The following C12orf42 variants were observed in gnomAD, a reference collection of about 807,000 sequenced individuals.
C12orf42 encodes chromosome 12 open reading frame 42.
A neutral mutation model predicts 21.6 loss-of-function variants in C12orf42; 25 were observed. The observed-to-expected ratio is 1.16, with a 90% CI of 0.84 to 1.62. C12orf42 has a LOEUF of 1.62. Ranked by LOEUF, C12orf42 falls within the 40% of genes most tolerant of loss-of-function variation. The probability of loss-of-function intolerance (pLI) is 0.00; values close to 1 mark genes in which losing one functional copy is unlikely to be tolerated. For missense variants in C12orf42, 483 were observed against 459.3 expected, an observed-to-expected ratio of 1.05 and a Z score of -0.47; for synonymous variants, 174 against 175.0, an observed-to-expected ratio of 0.99 and a Z score of 0.05.
the C12orf42 span, among the ~76,000 whole-genome samples, chr12:103,510,621 G>A: frequency 3.9e-5 from 6 of 152,164 alleles, no homozygotes; most frequent in Admixed American, 3.3e-4. Context: ...CTGCCACGGA[G>A]ATATAAGTTC....
chr12:103,118,569 C>T, the C12orf42 span, among the ~76,000 whole-genome samples: 2,116 of 152,010 alleles, frequency 0.014, 53 homozygotes, highest in African/African-American at 0.047. Context: ...GAGGCCAAGG[C>T]GGGCGGATCA....
chr12:103,174,857 T>G, the C12orf42 span, among the ~76,000 whole-genome samples: 1 of 152,196 alleles, frequency 6.6e-6, no homozygotes, highest in Non-Finnish European at 1.5e-5. Context: ...CCCAGAACTT[T>G]GAATTTTACT....
At chr12:103,361,253 C>T (rs898541958) in intron 4 of C12orf42, among the ~76,000 whole-genome samples, 3 of 152,150 alleles carry the variant, frequency 2.0e-5, no homozygotes, top group Non-Finnish European at 4.4e-5. Context: ...CGAACACACA[C>T]CCTCACTGAG....
intron 1 of C12orf42, among the ~76,000 whole-genome samples, chr12:103,489,549 G>A: frequency 6.6e-6 from 1 of 152,212 alleles, no homozygotes; most frequent in Non-Finnish European, 1.5e-5. Context: ...GCTATGCCCT[G>A]CCCAAAGAAG....
the C12orf42 span, chr12:103,080,935 G>A: frequency 2.0e-5 from 3 of 152,192 alleles, no homozygotes; most frequent in East Asian, 5.8e-4. Flanking sequence ...GTAATTGGTA[G>A]GGCTGGGATT....
At chr12:103,519,979 G>A in the C12orf42 span, among the ~76,000 whole-genome samples, 3 of 152,196 alleles carry the variant, frequency 2.0e-5, no homozygotes, top group African/African-American at 7.2e-5. Context: ...AACGAGATGG[G>A]CACCACAGGG....
At chr12:103,454,442 ATC>A (rs1952153941) in intron 2 of C12orf42, among the ~76,000 whole-genome samples, 1 of 152,130 alleles carries the variant, frequency 6.6e-6, no homozygotes, top group South Asian at 2.1e-4. Context: ...TATGTAATAC[ATC>A]TTGGAAAGCA....
intron 4 of C12orf42, among the ~76,000 whole-genome samples, chr12:103,308,192 T>G (rs779751655): frequency 6.6e-6 from 1 of 152,212 alleles, no homozygotes; most frequent in Non-Finnish European, 1.5e-5. Flanking sequence ...AGGGTAGTAG[T>G]TGGCATTTAG....
intron 2 of C12orf42, among the ~76,000 whole-genome samples, chr12:103,471,742 C>T (rs753753099): frequency 8.5e-5 from 13 of 152,164 alleles, no homozygotes; most frequent in Non-Finnish European, 1.5e-4. Context: ...CCAATAAATA[C>T]CCACATATAT....
chr12:103,264,420 G>A (rs1287744924), downstream of C12orf42, among the ~76,000 whole-genome samples: 4 of 152,096 alleles, frequency 2.6e-5, no homozygotes, highest in African/African-American at 4.8e-5. Flanking sequence ...GAAAAGAAAC[G>A]AGCCGTCAAC....
intron 4 of C12orf42, chr12:103,368,011 C>A (rs1270061371): frequency 5.8e-6 from 7 of 1,210,890 alleles, no homozygotes; most frequent in Non-Finnish European, 7.6e-6. Context: ...GTAGCAGTTA[C>A]CTGCTTTATC....
chr12:103,377,914 T>C (rs2045844772), intron 3 of C12orf42, among the ~76,000 whole-genome samples: 1 of 152,212 alleles, frequency 6.6e-6, no homozygotes, highest in Non-Finnish European at 1.5e-5. Context: ...ATTGTTGAAA[T>C]TCCTCACCTA....
the C12orf42 span, among the ~76,000 whole-genome samples, chr12:103,539,602 T>C: frequency 6.6e-6 from 1 of 151,986 alleles, no homozygotes; most frequent in Non-Finnish European, 1.5e-5. Flanking sequence ...TCTTTTGAGA[T>C]GGAGTCTCAC....
the C12orf42 span, among the ~76,000 whole-genome samples, chr12:103,533,720 G>A: frequency 2.6e-5 from 4 of 152,186 alleles, no homozygotes; most frequent in African/African-American, 7.2e-5. Context: ...TATTCACCAA[G>A]CTACAAATTT....
intron 2 of C12orf42, among the ~76,000 whole-genome samples, chr12:103,454,094 C>T (rs1952131289): frequency 6.6e-6 from 1 of 152,126 alleles, no homozygotes; most frequent in Admixed American, 6.6e-5. Context: ...ATCCCATATG[C>T]TTTGCTTCTT....
At chr12:103,119,383 A>G in the C12orf42 span, among the ~76,000 whole-genome samples, 35 of 152,302 alleles carry the variant, frequency 2.3e-4, no homozygotes, top group Middle Eastern at 6.8e-3. Flanking sequence ...TCAGCTATCA[A>G]TGTAGTTTTT....
At chr12:103,251,670 T>C (rs1281807060) in intron 10 of C12orf42, among the ~76,000 whole-genome samples, 1 of 152,172 alleles carries the variant, frequency 6.6e-6, no homozygotes, top group Non-Finnish European at 1.5e-5. Flanking sequence ...GTATGACACC[T>C]ACTAGGACTT....
At chr12:103,184,807 GA>G in the C12orf42 span, among the ~76,000 whole-genome samples, 276 of 137,220 alleles carry the variant, frequency 2.0e-3, 1 homozygote, top group African/African-American at 7.5e-3. Flanking sequence ...AGGTAACTAA[GA>G]AAAAATGAGG....
chr12:103,140,280 T>C, the C12orf42 span, among the ~76,000 whole-genome samples: 1 of 152,186 alleles, frequency 6.6e-6, no homozygotes, highest in Non-Finnish European at 1.5e-5. Context: ...TGATACCTTG[T>C]GGCAGGGCAG....
Sources: allele counts gnomAD v4.1 joint callset (sites outside exome capture counted in the v4.1 genomes callset), GRCh38; gene constraint gnomAD v4.1.1; transcripts MANE v1.5; gene names NCBI Gene and HGNC (gene_info 2026-07-23, HGNC 2026-07-21).